SELENOF: variants seen among roughly 807,000 people sequenced by gnomAD.
SELENOF encodes the protein 15 kDa selenoprotein.
Under a neutral mutation model 20.5 loss-of-function variants are expected in SELENOF, and 16 were observed. That is an observed-to-expected ratio of 0.78 (90% CI 0.53 to 1.19). The LOEUF (loss-of-function observed/expected upper bound fraction) is 1.19, where lower values mean the gene tolerates loss of function less well. Among genes scored for constraint, SELENOF ranks in the 50% most tolerant of loss-of-function variants. SELENOF has a pLI of 0.00. For missense variants in SELENOF, 215 were observed against 194.2 expected, an observed-to-expected ratio of 1.11 and a Z score of -0.64; for synonymous variants, 78 against 74.5, an observed-to-expected ratio of 1.05 and a Z score of -0.24.
intron 3 of SELENOF, among the ~76,000 whole-genome samples, chr1:86,872,666 C>A (rs1658807535): frequency 1.3e-5 from 2 of 151,674 alleles, no homozygotes; most frequent in African/African-American, 2.4e-5. Flanking sequence ...TAGCCGTGAG[C>A]CACGAATGCG....
chr1:86,875,272 T>G (rs2484652), intron 3 of SELENOF, among the ~76,000 whole-genome samples: 15,034 of 151,240 alleles, frequency 0.099, 832 homozygotes, highest in Non-Finnish European at 0.12. Flanking sequence ...AAAAGAAAAT[T>G]TACTATTATA....
chr1:86,908,998 A>G (rs1659904796), intron 1 of SELENOF, among the ~76,000 whole-genome samples: 1 of 152,242 alleles, frequency 6.6e-6, no homozygotes, highest in Non-Finnish European at 1.5e-5. Flanking sequence ...AGACAGTGAT[A>G]AAAACTCAAC....
rs1290221108 is a variant in SELENOF at position 86,899,441 on chromosome 1, C to T, written c.252+3840G>A. ...CGACCCCCCCCACCTCCCTCCCGGACGGGGCGGCTGGCCGGGCAGAGGGGC... is the reference window on the plus strand; with the variant it reads ...CGACCCCCCCCACCTCCCTCCCGGATGGGGCGGCTGGCCGGGCAGAGGGGC... On this transcript the variant is annotated intron_variant, in intron 2 of 4. Coordinates refer to ENST00000331835, the MANE Select transcript of SELENOF (RefSeq NM_004261.5). Among the ~76,000 whole-genome samples the T allele has an allele frequency of 1.3e-4, 13 of 102,150 alleles. 2 individuals are homozygous for T. The highest frequency in any genetic ancestry group is 6.0e-4 in the African/African-American group (11 of 18,314). The allele number at this position is 102,150 out of a possible 152,430, so 67.0% of individuals were successfully genotyped here.
At chr1:86,903,143 GA>G (rs1659743188) in intron 2 of SELENOF, 137 bp downstream of exon 2, 1 of 697,174 alleles carries the variant, frequency 1.4e-6, no homozygotes, top group Admixed American at 3.6e-5. Context: ...TAATAGGCCA[GA>G]CAAGAAATCA....
At chr1:86,873,883 A>G (rs1467910737) in intron 3 of SELENOF, among the ~76,000 whole-genome samples, 2 of 151,900 alleles carry the variant, frequency 1.3e-5, no homozygotes, top group Non-Finnish European at 2.9e-5. Context: ...TATTTAAAAC[A>G]GCCATGTTTG....
intron 2 of SELENOF, among the ~76,000 whole-genome samples, chr1:86,892,370 AAT>A (rs1214848999): frequency 3.3e-5 from 5 of 152,218 alleles, no homozygotes; most frequent in African/African-American, 4.8e-5. Flanking sequence ...TTATAATTAG[AAT>A]ATGTTAAAGA....
intron 3 of SELENOF, among the ~76,000 whole-genome samples, chr1:86,876,560 C>A (rs1658928113): frequency 6.6e-6 from 1 of 151,918 alleles, no homozygotes; most frequent in African/African-American, 2.4e-5. Context: ...ATGGAAATGT[C>A]CCATGGAAGT....
intron 2 of SELENOF, among the ~76,000 whole-genome samples, chr1:86,899,777 CCT>C (rs1241032356): frequency 2.6e-4 from 39 of 150,518 alleles, no homozygotes; most frequent in African/African-American, 9.3e-4. Flanking sequence ...CGGAGGGGCT[CCT>C]CACTTCTCAG....
chr1:86,868,237 T>C, intron 3 of SELENOF, 135 bp from the exon 4 acceptor site: 1 of 422,714 alleles, frequency 2.4e-6, no homozygotes, highest in Non-Finnish European at 4.1e-6. Context: ...AATTTAAACA[T>C]CTGTGGATAA....
chr1:86,892,414 C>T (rs1659413744), intron 2 of SELENOF, among the ~76,000 whole-genome samples: 2 of 152,132 alleles, frequency 1.3e-5, no homozygotes, highest in South Asian at 4.1e-4. Context: ...GATACCAGTC[C>T]ATGTACTGAT....
Position 86,903,290 on chromosome 1 carries a change from T to C in SELENOF, c.243A>G (p.Glu81=). The change falls in exon 2 of 5, where the codon GAA becomes GAG. Residue 81 remains glutamate (E), a synonymous_variant. Transcript: ENST00000331835. The part of the protein sequence containing the change: ...RGCCQEEAQF[E]TKKLYAGAIL... Reference sequence around the variant, plus strand: ...TACTAGAAAACAGTACCTTTTTGGTTTCAAATTGTGCTTCCTCCTGACAGC... The same window carrying C: ...TACTAGAAAACAGTACCTTTTTGGTCTCAAATTGTGCTTCCTCCTGACAGC... 3 of 1,610,584 alleles carry C rather than the reference T, an allele frequency of 1.9e-6. No homozygotes were observed. The highest frequency in any genetic ancestry group is 2.5e-6 in the Non-Finnish European group (3 of 1,178,494).
At chr1:86,863,995 T>TAG (rs1456668076) in intron 4 of SELENOF, among the ~76,000 whole-genome samples, 1 of 152,174 alleles carries the variant, frequency 6.6e-6, no homozygotes, top group African/African-American at 2.4e-5. Context: ...TATCTATTAG[T>TAG]AGCAAGACAG....
chr1:86,895,427 T>G (rs957389248), intron 2 of SELENOF, among the ~76,000 whole-genome samples: 2 of 152,224 alleles, frequency 1.3e-5, no homozygotes, highest in Non-Finnish European at 2.9e-5. Context: ...ACCTACTACT[T>G]GTTATATGCT....
chr1:86,873,148 T>C lies in SELENOF; in HGVS notation c.317-5046A>G, dbSNP rs550265401. On this transcript the variant is annotated intron_variant, in intron 3 of 4. Coordinates refer to ENST00000331835, the MANE Select transcript of SELENOF (RefSeq NM_004261.5). The stretch of plus-strand genomic sequence containing the variant: ...GGTGCATGCCTGTATTCCCAGCTAC[T>C]TGGGAGACTAAGGTAGGAGGATTGT... Among the ~76,000 whole-genome samples the C allele has an allele frequency of 2.6e-5, 4 of 151,814 alleles. No individual in the cohort carries two copies. In the South Asian group the frequency reaches 8.3e-4, roughly 32 times the overall value.
chr1:86,885,576 T>C (rs922560069), intron 2 of SELENOF, among the ~76,000 whole-genome samples: 2 of 152,208 alleles, frequency 1.3e-5, no homozygotes, highest in African/African-American at 4.8e-5. Flanking sequence ...TCAGAAATAC[T>C]CTACTTTCCA....
chr1:86,910,628 C>T (rs898343717), intron 1 of SELENOF, among the ~76,000 whole-genome samples: 6 of 146,056 alleles, frequency 4.1e-5, no homozygotes, highest in African/African-American at 1.1e-4. Flanking sequence ...GGCTTGATCC[C>T]GGGAGGCAGA....
chr1:86,863,246 G>T lies in SELENOF; in HGVS notation c.*228C>A, dbSNP rs1401903623. On this transcript the variant is annotated 3_prime_UTR_variant, in exon 5 of 5. Coordinates refer to ENST00000331835, the MANE Select transcript of SELENOF (RefSeq NM_004261.5). ...TCTGTTACAAAGCATTTTGTTAGTG[G>T]TATCAACAAATGCAGGAGGATGGAC... 5.1e-6 allele frequency: 2 copies of T among 394,930 alleles called. No individual in the cohort carries two copies. The highest frequency in any genetic ancestry group is 2.1e-5 in the African/African-American group (1 of 48,076). The allele number at this position is 394,930 out of a possible 1,614,324, so 24.5% of individuals were successfully genotyped here. A position where few individuals can be genotyped will look rare whatever the true frequency, so the allele number is the denominator to read the frequency against.
At chr1:86,900,674 A>G (rs563067782) in intron 2 of SELENOF, among the ~76,000 whole-genome samples, 31 of 149,784 alleles carry the variant, frequency 2.1e-4, no homozygotes, top group Admixed American at 3.3e-4. Flanking sequence ...AGACGGAGAC[A>G]GAGACGGAGA....
intron 3 of SELENOF, among the ~76,000 whole-genome samples, chr1:86,877,642 T>C (rs1286030402): frequency 6.6e-6 from 1 of 152,244 alleles, no homozygotes; most frequent in Non-Finnish European, 1.5e-5. Context: ...TTTTGAATTA[T>C]GAGGATGCTC....
Sources: gnomAD v4.1 joint callset for allele counts (sites outside exome capture counted in the v4.1 genomes callset) on GRCh38, gnomAD v4.1.1 for gene constraint, MANE v1.5 for transcripts, NCBI Gene and HGNC (gene_info 2026-07-23, HGNC 2026-07-21) for gene names.